Variants in PRKCE observed in about 807,000 individuals in gnomAD.
The protein encoded by PRKCE is protein kinase C epsilon.
PRKCE carries 16 observed loss-of-function variants against 85.4 expected under a neutral mutation model. The ratio of observed to expected loss-of-function variants is 0.19; its 90% CI spans 0.13 to 0.28. The LOEUF (loss-of-function observed/expected upper bound fraction) is 0.28. PRKCE is among the 10% of genes least tolerant of loss of function. The pLI, the probability that PRKCE is intolerant of heterozygous loss-of-function variation, is 1.00. For synonymous variants in PRKCE, 388 were observed against 371.5 expected (o/e 1.04, Z -0.51); for missense variants, 573 against 975.2 (o/e 0.59, Z 5.49).
At position 46,139,667 on chromosome 2, in the gene PRKCE, C is replaced by CAT. The variant is rs373753187; in HGVS notation, c.1593-5413_1593-5412dup. Among the ~76,000 whole-genome samples, 1,441 of 146,244 alleles carry CAT rather than the reference C, an allele frequency of 9.9e-3. 16 individuals carry two copies. The highest frequency in any genetic ancestry group is 0.034 in the African/African-American group (1,313 of 39,140). On this transcript the variant is annotated intron_variant, in intron 11 of 14. Coordinates refer to ENST00000306156, the MANE Select transcript of PRKCE (RefSeq NM_005400.3). This position sits in a 1 kb window ranked among gnomAD's most constrained non-coding sequence, Gnocchi z 5.2. The stretch of plus-strand genomic sequence containing the variant: ...GCAATATACAGAATATATAGAGGAA[C>CAT]ATATATATATATATGCGTATATATA...
At chr2:45,653,370 G>GTTTTTTGTT (rs1675221152) in intron 1 of PRKCE, among the ~76,000 whole-genome samples, 1 of 61,464 alleles carries the variant, frequency 1.6e-5, no homozygotes, top group Non-Finnish European at 3.0e-5. Context: ...TTTTTGGGTT[G>GTTTTTTGTT]TTTTTTTTTT....
At chr2:46,168,135 TCCAGGGAAGAGTGTGAGGCCTGGGCTGG>T (rs1678526531) in intron 14 of PRKCE, among the ~76,000 whole-genome samples, 1 of 152,080 alleles carries the variant, frequency 6.6e-6, no homozygotes, top group Non-Finnish European at 1.5e-5. Flanking sequence ...CTACCCCCAC[TCCAGGGAAGAGTGTGAGGCCTGGGCTGG>T]CCTGGGCTTT....
At chr2:45,980,793 G>A (rs549957976) in intron 5 of PRKCE, among the ~76,000 whole-genome samples, 4 of 152,222 alleles carry the variant, frequency 2.6e-5, no homozygotes, top group Admixed American at 1.3e-4. Flanking sequence ...GAATGAGCAA[G>A]CCCAAGGAAT....
At chr2:45,784,944 A>G (rs1452683365) in intron 1 of PRKCE, among the ~76,000 whole-genome samples, 3 of 152,200 alleles carry the variant, frequency 2.0e-5, no homozygotes, top group South Asian at 2.1e-4. Flanking sequence ...CTATACCTCA[A>G]AAATATAAAG....
intron 1 of PRKCE, among the ~76,000 whole-genome samples, chr2:45,730,947 T>G (rs1044609483): frequency 1.3e-5 from 2 of 152,206 alleles, no homozygotes; most frequent in African/African-American, 4.8e-5. Flanking sequence ...GCAATGATAT[T>G]CCTGGATTTA....
At chr2:45,903,786 G>A (rs538581945) in intron 2 of PRKCE, among the ~76,000 whole-genome samples, 22 of 152,006 alleles carry the variant, frequency 1.4e-4, no homozygotes, top group Non-Finnish European at 3.1e-4. Flanking sequence ...TTGGAAATGG[G>A]TTAATACATC....
chr2:45,833,379 T>G (rs1690597691), intron 1 of PRKCE, among the ~76,000 whole-genome samples: 1 of 152,178 alleles, frequency 6.6e-6, no homozygotes, highest in Non-Finnish European at 1.5e-5. Flanking sequence ...CAGCCCTGAA[T>G]CAAGAGCTGT....
chr2:46,152,468 C>T (rs1224175538), intron 13 of PRKCE, among the ~76,000 whole-genome samples: 1 of 152,126 alleles, frequency 6.6e-6, no homozygotes, highest in Non-Finnish European at 1.5e-5. Context: ...AGACATGAGC[C>T]ACTGCGCCCA....
chr2:46,002,161 A>C (rs529214634), intron 7 of PRKCE, among the ~76,000 whole-genome samples: 1 of 152,378 alleles, frequency 6.6e-6, no homozygotes, highest in Admixed American at 6.5e-5. Context: ...CAGGGCCCAC[A>C]GATGTAAACA....
chr2:46,154,496 C>G (rs1191723976), intron 13 of PRKCE, among the ~76,000 whole-genome samples: 1 of 122,632 alleles, frequency 8.2e-6, no homozygotes, highest in Admixed American at 8.5e-5. Flanking sequence ...CATTTCTCCT[C>G]GGCCCCCTGT....
At chr2:45,788,463 CTACT>C (rs1573361427) in intron 1 of PRKCE, among the ~76,000 whole-genome samples, 1 of 152,180 alleles carries the variant, frequency 6.6e-6, no homozygotes, top group African/African-American at 2.4e-5. Flanking sequence ...CGTGCAGTGT[CTACT>C]TACTTCAGTT....
In PRKCE at chr2:46,145,317, G is replaced by A. The variant is rs990368164; in HGVS notation, c.1731+86G>A. On this transcript the variant is annotated intron_variant, in intron 12 of 14. Transcript: ENST00000306156. The surrounding 1 kb of genome is among the most constrained non-coding windows in gnomAD (Gnocchi z 4.6). Reference sequence around the variant, plus strand: ...ACCCATGCACTGGGGTCATCTAGTGGTGCTGGGGGAAGGCTCTGGAAATCC... The same window carrying A: ...ACCCATGCACTGGGGTCATCTAGTGATGCTGGGGGAAGGCTCTGGAAATCC... 2.1e-5 allele frequency: 32 copies of A among 1,517,822 alleles called. No individual in the cohort carries two copies. The highest frequency in any genetic ancestry group is 4.1e-5 in the African/African-American group (3 of 73,038). The allele number at this position is 1,517,822 out of a possible 1,614,324, so 94.0% of individuals were successfully genotyped here. A position where few individuals can be genotyped will look rare whatever the true frequency, so the allele number is the denominator to read the frequency against.
At position 45,889,062 on chromosome 2, in the gene PRKCE, C is replaced by A. The variant is rs560958485; in HGVS notation, c.412+45999C>A. ...CAACAAAATACTAATTATCTGTAGA[C>A]CACATAGCATTTGGGTTGCTCTGTT... On this transcript the variant is annotated intron_variant, in intron 2 of 14. Coordinates refer to ENST00000306156, the MANE Select transcript of PRKCE (RefSeq NM_005400.3). Among the ~76,000 whole-genome samples, 10 of 152,316 alleles carry A rather than the reference C, an allele frequency of 6.6e-5. No homozygotes were observed. The South Asian group carries it at 2.1e-3, about 32-fold the overall frequency.
At chr2:46,168,716 C>T (rs968861587) in intron 14 of PRKCE, among the ~76,000 whole-genome samples, 1 of 152,204 alleles carries the variant, frequency 6.6e-6, no homozygotes, top group African/African-American at 2.4e-5. Context: ...TGACTCCTAA[C>T]AGGATGCTCA....
chr2:45,695,446 T>A (rs1678066217), intron 1 of PRKCE, among the ~76,000 whole-genome samples: 1 of 152,100 alleles, frequency 6.6e-6, no homozygotes, highest in African/African-American at 2.4e-5. Flanking sequence ...ATCACAGAAA[T>A]CCTTGAAGAA....
At chr2:46,120,720 C>G (rs1052370249) in intron 11 of PRKCE, among the ~76,000 whole-genome samples, 6 of 152,168 alleles carry the variant, frequency 3.9e-5, no homozygotes, top group African/African-American at 1.4e-4. Flanking sequence ...CTTCCTTTCT[C>G]TACTCAACAC....
At chr2:45,869,954 C>A (rs189659722) in intron 2 of PRKCE, among the ~76,000 whole-genome samples, 3 of 152,144 alleles carry the variant, frequency 2.0e-5, no homozygotes, top group African/African-American at 7.2e-5. Flanking sequence ...GGTCTGTCCA[C>A]CTCGGCCTCC....
intron 1 of PRKCE, among the ~76,000 whole-genome samples, chr2:45,680,691 A>G (rs1468247913): frequency 6.6e-6 from 1 of 152,236 alleles, no homozygotes; most frequent in South Asian, 2.1e-4. Flanking sequence ...AAGAGAGCAG[A>G]AAAGCCTTTT....
At chr2:46,113,384 A>G (rs966760213) in intron 11 of PRKCE, among the ~76,000 whole-genome samples, 1 of 152,214 alleles carries the variant, frequency 6.6e-6, no homozygotes, top group African/African-American at 2.4e-5. Flanking sequence ...CATTTTAGTC[A>G]CCTGAAAATA....
Sources: allele counts gnomAD v4.1 joint callset (sites outside exome capture counted in the v4.1 genomes callset), GRCh38; gene constraint gnomAD v4.1.1; non-coding constraint Gnocchi (gnomAD v3.1); transcripts MANE v1.5; gene names NCBI Gene and HGNC (gene_info 2026-07-23, HGNC 2026-07-21).